Variants in STK33 observed in about 807,000 individuals in gnomAD.
The protein encoded by STK33 is serine/threonine kinase 33.
STK33 carries 52 observed loss-of-function variants against 58.0 expected under a neutral mutation model. The ratio of observed to expected loss-of-function variants is 0.90; its 90% confidence interval spans 0.72 to 1.13. The LOEUF is 1.13. Among genes scored for constraint, STK33 ranks in the 50% most tolerant of loss-of-function variants. STK33 has a pLI of 0.00. For synonymous variants in STK33, 215 were observed against 200.1 expected, an observed-to-expected ratio of 1.07 and a Z score of -0.63; for missense variants, 630 against 604.2, an observed-to-expected ratio of 1.04 and a Z score of -0.45.
chr11:8,441,902 G>A (rs1178555070), intron 11 of STK33, among the ~76,000 whole-genome samples: 2 of 152,008 alleles, frequency 1.3e-5, no homozygotes, highest in Non-Finnish European at 2.9e-5. Context: ...TTGCCAATGA[G>A]GAAACTAAGT....
intron 1 of STK33, among the ~76,000 whole-genome samples, chr11:8,590,425 A>G (rs574712054): frequency 7.1e-4 from 43 of 60,874 alleles, no homozygotes; most frequent in Non-Finnish European, 8.8e-4. Context: ...AACTTTATCA[A>G]AAATAAGGAT....
At chr11:8,498,861 G>A (rs7118501) in intron 1 of STK33, among the ~76,000 whole-genome samples, 42,996 of 151,962 alleles carry the variant, frequency 0.28, 6,217 homozygotes, top group Middle Eastern at 0.36. Context: ...AATGGTGTTG[G>A]GCAAACTGGC....
chr11:8,346,064 C>G, the STK33 span, among the ~76,000 whole-genome samples: 5 of 152,184 alleles, frequency 3.3e-5, no homozygotes, highest in Non-Finnish European at 7.3e-5. Context: ...AAACTGAGTG[C>G]CATGAGAAGA....
At chr11:8,368,926 G>A in the STK33 span, among the ~76,000 whole-genome samples, 1 of 152,330 alleles carries the variant, frequency 6.6e-6, no homozygotes, top group African/African-American at 2.4e-5. Flanking sequence ...CGAGCAGTGT[G>A]CTGAGGCAGC....
chr11:8,390,338 C>G (rs1848602918), downstream of STK33, among the ~76,000 whole-genome samples: 1 of 152,206 alleles, frequency 6.6e-6, no homozygotes, highest in African/African-American at 2.4e-5. Context: ...TGCTATGGAG[C>G]ACAGGAGGTG....
chr11:8,583,545 G>A (rs1404574620), intron 1 of STK33, among the ~76,000 whole-genome samples: 1 of 152,218 alleles, frequency 6.6e-6, no homozygotes, highest in Admixed American at 6.5e-5. Context: ...AAAGATACGG[G>A]GAGGGTGGTA....
At chr11:8,417,809 C>T (rs890264835) in intron 14 of STK33, among the ~76,000 whole-genome samples, 11 of 152,174 alleles carry the variant, frequency 7.2e-5, no homozygotes, top group South Asian at 4.2e-4. Flanking sequence ...TTCCCTGTGT[C>T]GGTGAGGGTG....
At chr11:8,349,133 T>C in the STK33 span, among the ~76,000 whole-genome samples, 5 of 152,176 alleles carry the variant, frequency 3.3e-5, no homozygotes, top group Non-Finnish European at 5.9e-5. Flanking sequence ...TTTCCACTTC[T>C]AGCTGTGTGA....
chr11:8,450,938 A>G (rs1946201064), intron 11 of STK33, among the ~76,000 whole-genome samples: 1 of 152,244 alleles, frequency 6.6e-6, no homozygotes, highest in Non-Finnish European at 1.5e-5. Flanking sequence ...TAGTAAGCAC[A>G]TGAAAGATGC....
chr11:8,552,175 C>G (rs1956345146), intron 1 of STK33, among the ~76,000 whole-genome samples: 1 of 152,344 alleles, frequency 6.6e-6, no homozygotes, highest in East Asian at 1.9e-4. Flanking sequence ...TAGAAAAATT[C>G]TCTGTGAGTG....
the STK33 span, among the ~76,000 whole-genome samples, chr11:8,340,743 G>C: frequency 6.6e-6 from 1 of 152,186 alleles, no homozygotes; most frequent in South Asian, 2.1e-4. Context: ...CCCACAGAGA[G>C]CACTGGAGAG....
At chr11:8,460,683 C>T (rs1022762975) in intron 8 of STK33, among the ~76,000 whole-genome samples, 5 of 151,154 alleles carry the variant, frequency 3.3e-5, no homozygotes, top group African/African-American at 9.8e-5. Context: ...CCATGAACCC[C>T]GAACACAAAA....
intron 11 of STK33, among the ~76,000 whole-genome samples, chr11:8,449,646 G>A (rs1946018831): frequency 1.5e-5 from 2 of 136,594 alleles, no homozygotes; most frequent in Admixed American, 1.5e-4. Context: ...GTGGGTGGGG[G>A]GAGGGATAGC....
chr11:8,344,496 G>A, the STK33 span, among the ~76,000 whole-genome samples: 43 of 152,338 alleles, frequency 2.8e-4, no homozygotes, highest in African/African-American at 9.4e-4. Context: ...GTATGAGGTA[G>A]TTACTATATC....
At chr11:8,360,422 A>G in the STK33 span, among the ~76,000 whole-genome samples, 2 of 152,352 alleles carry the variant, frequency 1.3e-5, no homozygotes, top group Non-Finnish European at 1.5e-5. Context: ...CCACATTGTC[A>G]CTTCCATTGT....
downstream of STK33, among the ~76,000 whole-genome samples, chr11:8,390,735 G>A (rs535653969): frequency 1.3e-5 from 2 of 152,196 alleles, no homozygotes; most frequent in African/African-American, 2.4e-5. Context: ...AATAGGTGAA[G>A]ACACACTAAC....
chr11:8,382,312 G>C, the STK33 span, among the ~76,000 whole-genome samples: 1 of 152,228 alleles, frequency 6.6e-6, no homozygotes, highest in African/African-American at 2.4e-5. Context: ...AGGCTGCACA[G>C]TCGCTGATGG....
At chr11:8,400,191 C>T (rs1290078240) in intron 15 of STK33, among the ~76,000 whole-genome samples, 26 of 152,154 alleles carry the variant, frequency 1.7e-4, no homozygotes, top group Admixed American at 1.6e-3. Flanking sequence ...GACCAATATC[C>T]CTGATAAACA....
chr11:8,374,523 GAGAGAGAGAC>G, the STK33 span, among the ~76,000 whole-genome samples: 5 of 152,340 alleles, frequency 3.3e-5, no homozygotes, highest in East Asian at 9.6e-4. Context: ...CAGAGAAAGA[GAGAGAGAGAC>G]AGAGAGAGAG....
Sources: allele counts gnomAD v4.1 joint callset (sites outside exome capture counted in the v4.1 genomes callset), GRCh38; gene constraint gnomAD v4.1.1; transcripts MANE v1.5; gene names NCBI Gene and HGNC (gene_info 2026-07-23, HGNC 2026-07-21).